The following RASAL2 variants were observed in gnomAD, a reference collection of about 807,000 sequenced individuals.
RASAL2 encodes RAS protein activator like 2.
Under a neutral mutation model 128.9 loss-of-function variants are expected in RASAL2, and 58 were observed. The ratio of observed to expected loss-of-function variants is 0.45; its 90% CI spans 0.36 to 0.56. The LOEUF (loss-of-function observed/expected upper bound fraction) is 0.56. Among genes scored for constraint, RASAL2 ranks in the 20% least tolerant of loss-of-function variants. The probability of loss-of-function intolerance (pLI) is 0.00; values close to 1 mark genes in which losing one functional copy is unlikely to be tolerated. For synonymous variants in RASAL2, 561 were observed against 580.8 expected (o/e 0.97, Z 0.49); for missense variants, 1,360 against 1,601.6 (o/e 0.85, Z 2.57).
intron 3 of RASAL2, among the ~76,000 whole-genome samples, chr1:178,368,953 C>T (rs902770266): frequency 2.6e-5 from 4 of 152,094 alleles, no homozygotes; most frequent in Admixed American, 2.0e-4. Flanking sequence ...GCCCTATTTA[C>T]AGTATTTTGA....
At chr1:178,445,689 C>T in intron 9 of RASAL2, 27 bp downstream of exon 9, 1 of 1,576,878 alleles carries the variant, frequency 6.3e-7, no homozygotes, top group African/African-American at 1.4e-5. Context: ...CATCTATTTT[C>T]TTTTATTTAC....
chr1:178,277,544 A>G (rs1049845241), intron 1 of RASAL2, among the ~76,000 whole-genome samples: 1 of 152,258 alleles, frequency 6.6e-6, no homozygotes, highest in African/African-American at 2.4e-5. Context: ...TTCAAAGCCA[A>G]AACAAATCTG....
At chr1:178,102,977 A>G (rs1226817622) in intron 1 of RASAL2, among the ~76,000 whole-genome samples, 1 of 152,214 alleles carries the variant, frequency 6.6e-6, no homozygotes, top group Non-Finnish European at 1.5e-5. Context: ...TCAGGGTTAT[A>G]TTTCTGTGAG....
At position 178,228,178 on chromosome 1, in the gene RASAL2, T is replaced by C. The variant is rs1221508548; in HGVS notation, c.203-55386T>C. On this transcript the variant is annotated intron_variant, in intron 1 of 17. Coordinates refer to ENST00000367649, the MANE Select transcript of RASAL2 (RefSeq NM_170692.4). ...CTTTGATTCTTGCTTGTGTAGTGTG[T>C]CTTCCTCAGTCCATGGTTCTTTCTG... Among the ~76,000 whole-genome samples the C allele has an allele frequency of 3.3e-5, 5 of 152,318 alleles. No homozygotes were observed. In the East Asian group the frequency reaches 9.6e-4, roughly 29 times the overall value.
chr1:178,318,453 C>T (rs1358372704), intron 3 of RASAL2, among the ~76,000 whole-genome samples: 1 of 151,966 alleles, frequency 6.6e-6, no homozygotes, highest in African/African-American at 2.4e-5. Context: ...TCACTCAGGA[C>T]TTGCTTTATG....
At chr1:178,283,008 A>G (rs1466078632) in intron 1 of RASAL2, among the ~76,000 whole-genome samples, 1 of 152,192 alleles carries the variant, frequency 6.6e-6, no homozygotes, top group African/African-American at 2.4e-5. Flanking sequence ...ATATATTTAG[A>G]TATTTTCTTA....
At chr1:178,140,219 C>A (rs1425675663) in intron 1 of RASAL2, among the ~76,000 whole-genome samples, 1 of 152,050 alleles carries the variant, frequency 6.6e-6, no homozygotes, top group Non-Finnish European at 1.5e-5. Context: ...TTGAGATTTA[C>A]AGAAAAATTG....
At chr1:178,220,613 A>T (rs1464611265) in intron 1 of RASAL2, among the ~76,000 whole-genome samples, 1 of 152,160 alleles carries the variant, frequency 6.6e-6, no homozygotes, top group Non-Finnish European at 1.5e-5. Context: ...TTTATAAAAA[A>T]TGCAATATCT....
intron 1 of RASAL2, among the ~76,000 whole-genome samples, chr1:178,158,390 G>T (rs553521954): frequency 6.6e-6 from 1 of 152,076 alleles, no homozygotes; most frequent in South Asian, 2.1e-4. Context: ...TGAGGATTAA[G>T]TGAGACAATT....
At chr1:178,440,710 C>G (rs1202112488) in intron 6 of RASAL2, among the ~76,000 whole-genome samples, 1 of 152,012 alleles carries the variant, frequency 6.6e-6, no homozygotes, top group African/African-American at 2.4e-5. Flanking sequence ...GAGTTAGGTG[C>G]TAAGTATATA....
chr1:178,225,467 T>G (rs1308174032), intron 1 of RASAL2, among the ~76,000 whole-genome samples: 2 of 151,964 alleles, frequency 1.3e-5, no homozygotes, highest in East Asian at 3.9e-4. Flanking sequence ...TATTTTACCT[T>G]TCTATCTTGT....
chr1:178,359,337 T>C (rs926333338), intron 3 of RASAL2, among the ~76,000 whole-genome samples: 2 of 152,224 alleles, frequency 1.3e-5, no homozygotes, highest in Non-Finnish European at 2.9e-5. Flanking sequence ...AATCTCTTAA[T>C]ACAGTGTCAT....
At chr1:178,447,818 T>G (rs1677115660) in intron 9 of RASAL2, among the ~76,000 whole-genome samples, 1 of 151,940 alleles carries the variant, frequency 6.6e-6, no homozygotes, top group South Asian at 2.1e-4. Flanking sequence ...GGCAAATTTT[T>G]CAGTTTGTGG....
At chr1:178,436,344 C>T (rs1180628524) in intron 5 of RASAL2, among the ~76,000 whole-genome samples, 51 of 152,134 alleles carry the variant, frequency 3.4e-4, no homozygotes, top group South Asian at 6.2e-4. Context: ...ACATTCTGAA[C>T]TATGTATTAA....
At chr1:178,245,836 A>T (rs1664744303) in intron 1 of RASAL2, among the ~76,000 whole-genome samples, 1 of 152,106 alleles carries the variant, frequency 6.6e-6, no homozygotes, top group South Asian at 2.1e-4. Flanking sequence ...TCCTTTCCCC[A>T]TTGCTTTTTT....
At chr1:178,113,224 ATACTGTTTTGAT>A (rs1659399698) in intron 1 of RASAL2, among the ~76,000 whole-genome samples, 1 of 151,938 alleles carries the variant, frequency 6.6e-6, no homozygotes, top group South Asian at 2.1e-4. Context: ...ATTTACAAGC[ATACTGTTTTGAT>A]TACTATAGAT....
rs1439357732 is a variant in RASAL2, at chr1:178,477,841, C to T, written c.*4602C>T. 6.6e-6 allele frequency: 1 copy of T among 152,130 alleles called. No individual in the cohort carries two copies. Among genetic ancestry groups the T allele is most frequent in the Non-Finnish European group, 1.5e-5 (1 of 68,026 alleles). 9.4% of individuals were successfully genotyped at this position (152,130 alleles called of 1,614,324 possible). On this transcript the variant is annotated 3_prime_UTR_variant, in exon 18 of 18. Coordinates refer to ENST00000367649, the MANE Select transcript of RASAL2 (RefSeq NM_170692.4). ...TGTTATATGTATATATAAGTTAAAG[C>T]AACTTGAAATTGACTTGGTTTGGCA...
intron 1 of RASAL2, among the ~76,000 whole-genome samples, chr1:178,280,023 A>G (rs1350327912): frequency 6.6e-6 from 1 of 152,176 alleles, no homozygotes; most frequent in Non-Finnish European, 1.5e-5. Context: ...CTCAAAGGAC[A>G]AGGTGGACCA....
At chr1:178,183,234 C>G (rs1662177112) in intron 1 of RASAL2, among the ~76,000 whole-genome samples, 1 of 152,220 alleles carries the variant, frequency 6.6e-6, no homozygotes, top group South Asian at 2.1e-4. Flanking sequence ...CACCCACCAT[C>G]TTCAGTAAGA....
Sources: allele counts gnomAD v4.1 joint callset (sites outside exome capture counted in the v4.1 genomes callset), GRCh38; gene constraint gnomAD v4.1.1; transcripts MANE v1.5; gene names NCBI Gene and HGNC (gene_info 2026-07-23, HGNC 2026-07-21).